MAP3K15: variants seen among roughly 807,000 people sequenced by gnomAD.
MAP3K15 encodes the protein MAPK/ERK kinase kinase 15.
In MAP3K15, 124 loss-of-function variants were observed where a neutral mutation model predicts 99.5. The observed-to-expected ratio is 1.25, with a 90% CI of 1.08 to 1.45. The LOEUF (loss-of-function observed/expected upper bound fraction) is 1.45. Among genes scored for constraint, MAP3K15 ranks in the 40% most tolerant of loss-of-function variants. The probability of loss-of-function intolerance (pLI) is 0.00; values close to 1 mark genes in which losing one functional copy is unlikely to be tolerated. For synonymous variants in MAP3K15, 494 were observed against 439.6 expected (o/e 1.12, Z -1.55); for missense variants, 1,242 against 1,079.7 (o/e 1.15, Z -2.11).
At chrX:19,503,299 G>C (rs950024191) in intron 1 of MAP3K15, among the ~76,000 whole-genome samples, 1 of 110,408 alleles carries the variant, frequency 9.1e-6, no homozygotes, top group Non-Finnish European at 1.9e-5. Context: ...CATGCAAAAC[G>C]TATGTGCTGT....
At chrX:19,506,306 G>A (rs976449617) in intron 1 of MAP3K15, among the ~76,000 whole-genome samples, 6 of 110,297 alleles carry the variant, frequency 5.4e-5, no homozygotes, top group Non-Finnish European at 9.5e-5. Flanking sequence ...CTGACCTCAA[G>A]TGATCCACCC....
At chrX:19,434,858 G>A (rs758412331) in intron 6 of MAP3K15, among the ~76,000 whole-genome samples, 7 of 111,681 alleles carry the variant, frequency 6.3e-5, no homozygotes, top group Non-Finnish European at 9.4e-5. Flanking sequence ...GACACTTGGC[G>A]ACCTTCTGGA....
chrX:19,504,399 T>C (rs1352179270), intron 1 of MAP3K15, among the ~76,000 whole-genome samples: 1 of 110,384 alleles, frequency 9.1e-6, no homozygotes, highest in Non-Finnish European at 1.9e-5. Context: ...CCAGTACTAG[T>C]CACGAGGGCC....
At chrX:19,431,104 A>T (rs1049922476) in intron 7 of MAP3K15, among the ~76,000 whole-genome samples, 5 of 111,757 alleles carry the variant, frequency 4.5e-5, no homozygotes, top group African/African-American at 1.6e-4. Flanking sequence ...AAATGAATGA[A>T]TAAGTGAATG....
intron 6 of MAP3K15, among the ~76,000 whole-genome samples, chrX:19,451,325 C>CT (rs1448414505): frequency 4.1e-5 from 4 of 98,108 alleles, no homozygotes; most frequent in Admixed American, 1.1e-4. Flanking sequence ...AGACATCAAA[C>CT]TTAAAAACTT....
chrX:19,373,423 AG>A, intron 21 of MAP3K15, 112 bp downstream of exon 21: 1 of 947,565 alleles, frequency 1.1e-6, no homozygotes, highest in Non-Finnish European at 1.4e-6. Flanking sequence ...GCCCTGCAGA[AG>A]GGAAGTAAAA....
chrX:19,479,092 C>T (rs1340815917), intron 3 of MAP3K15, among the ~76,000 whole-genome samples: 2 of 111,699 alleles, frequency 1.8e-5, no homozygotes, highest in African/African-American at 6.5e-5. Flanking sequence ...ATATGACACA[C>T]ATACATACAC....
At chrX:19,373,409 T>C (rs2063392394) in intron 21 of MAP3K15, 127 bp downstream of exon 21, 6 of 867,274 alleles carry the variant, frequency 6.9e-6, no homozygotes, top group Admixed American at 3.1e-5. Flanking sequence ...TCAGCTGCCC[T>C]ACTGCCCTGC....
chrX:19,371,742 T>C (rs2063376917), intron 22 of MAP3K15, among the ~76,000 whole-genome samples: 2 of 111,177 alleles, frequency 1.8e-5, no homozygotes, highest in African/African-American at 6.6e-5. Flanking sequence ...TGTGAATGGC[T>C]TCCTGTTTAA....
intron 4 of MAP3K15, among the ~76,000 whole-genome samples, chrX:19,461,510 AG>A (rs1246087899): frequency 1.8e-5 from 2 of 112,878 alleles, no homozygotes; most frequent in Non-Finnish European, 3.7e-5. Flanking sequence ...ATATCACCAT[AG>A]TCTCTTGAAG....
chrX:19,393,727 C>T (rs760206709), intron 16 of MAP3K15, among the ~76,000 whole-genome samples: 5 of 101,478 alleles, frequency 4.9e-5, no homozygotes, highest in African/African-American at 1.4e-4. Context: ...TTTATTCTAA[C>T]ATAACCCTGA....
At chrX:19,507,156 G>C (rs773930507) in intron 1 of MAP3K15, among the ~76,000 whole-genome samples, 8 of 111,642 alleles carry the variant, frequency 7.2e-5, no homozygotes, top group African/African-American at 9.8e-5. Context: ...ACTATTCTAA[G>C]AGTAAACAAA....
At chrX:19,361,838 T>A in intron 26 of MAP3K15, 1 of 286,435 alleles carries the variant, frequency 3.5e-6, no homozygotes, top group Non-Finnish European at 6.0e-6. Flanking sequence ...GGTCTACCAC[T>A]TTAAATGCTT....
chrX:19,378,578 T>A (rs1308628478), intron 19 of MAP3K15, among the ~76,000 whole-genome samples: 2 of 111,206 alleles, frequency 1.8e-5, no homozygotes, highest in East Asian at 2.8e-4. Context: ...ATCACCCCCA[T>A]GATTCAATTA....
At chrX:19,514,144 C>T (rs1016956233) in intron 1 of MAP3K15, among the ~76,000 whole-genome samples, 3 of 110,909 alleles carry the variant, frequency 2.7e-5, no homozygotes, top group African/African-American at 9.9e-5. Flanking sequence ...CCGATTTCCA[C>T]TCCTGGCTGC....
intron 1 of MAP3K15, among the ~76,000 whole-genome samples, chrX:19,505,210 C>A (rs1386992479): frequency 4.6e-5 from 5 of 108,479 alleles, no homozygotes; most frequent in Non-Finnish European, 9.5e-5. Context: ...TTTTCTTAGC[C>A]CACAGCAGCA....
intron 9 of MAP3K15, among the ~76,000 whole-genome samples, chrX:19,421,443 A>G (rs2063783422): frequency 9.0e-6 from 1 of 110,662 alleles, no homozygotes; most frequent in Admixed American, 9.7e-5. Flanking sequence ...CTTCAAAGAG[A>G]ATAAAATACC....
intron 12 of MAP3K15, among the ~76,000 whole-genome samples, chrX:19,407,613 G>A (rs976556740): frequency 1.8e-5 from 2 of 112,402 alleles, no homozygotes; most frequent in Admixed American, 9.5e-5. Context: ...GAAAAAGAAA[G>A]GCAAGGTATT....
intron 1 of MAP3K15, among the ~76,000 whole-genome samples, chrX:19,514,307 T>G (rs111452326): frequency 0.021 from 2,238 of 105,841 alleles, 75 homozygotes; most frequent in African/African-American, 0.073. Context: ...TAAGAGACCT[T>G]CCAGGAATGA....
Sources: allele counts gnomAD v4.1 joint callset (sites outside exome capture counted in the v4.1 genomes callset), GRCh38; gene constraint gnomAD v4.1.1; transcripts MANE v1.5; gene names NCBI Gene and HGNC (gene_info 2026-07-23, HGNC 2026-07-21).